Variants in TANC1 observed in about 807,000 individuals in gnomAD.
TANC1 encodes the protein tetratricopeptide repeat, ankyrin repeat and coiled-coil containing 1.
TANC1 carries 77 observed loss-of-function variants against 149.7 expected under a neutral mutation model. The ratio of observed to expected loss-of-function variants is 0.51; its 90% CI spans 0.43 to 0.62. The LOEUF (loss-of-function observed/expected upper bound fraction) is 0.62, where lower values mean the gene tolerates loss of function less well. TANC1 is among the 20% of genes least tolerant of loss of function. The pLI is 0.00. For missense variants in TANC1, 1,985 were observed against 2,321.8 expected (o/e 0.85, Z 2.98); for synonymous variants, 854 against 925.0 (o/e 0.92, Z 1.39).
At position 159,040,745 on chromosome 2, in the gene TANC1, T is replaced by G. The variant is rs546805330; in HGVS notation, c.-15-25151T>G. Among the ~76,000 whole-genome samples the G allele has an allele frequency of 1.2e-4, 19 of 152,326 alleles. 1 individual carries two copies. Among genetic ancestry groups the G allele is most frequent in the South Asian group, 1.0e-3 (5 of 4,826 alleles). On this transcript the variant is annotated intron_variant, in intron 2 of 26. Coordinates refer to ENST00000263635, the MANE Select transcript of TANC1 (RefSeq NM_033394.3). Reference sequence around the variant, plus strand: ...TGGAGAAGTTTGTTATTACTGACTTTCTGAAGCCTACTTCTGTCAACTAGT... The same window carrying G: ...TGGAGAAGTTTGTTATTACTGACTTGCTGAAGCCTACTTCTGTCAACTAGT...
intron 14 of TANC1, among the ~76,000 whole-genome samples, chr2:159,180,461 G>A (rs1053800019): frequency 2.6e-5 from 4 of 152,272 alleles, no homozygotes; most frequent in South Asian, 2.1e-4. Context: ...ATTAAGCTTC[G>A]CTTCATTTTG....
Position 159,228,082 on chromosome 2 carries a change from C to T in TANC1, c.4050+117C>T, listed in dbSNP as rs2060125399. On this transcript the variant is annotated intron_variant, in intron 25 of 26. Transcript: ENST00000263635. ...GGCCCTCCTGTCCAATTTGCTTGCA[C>T]ATTTACATGAACCTGGCATGTGGGA... 4 of 1,129,660 alleles carry T rather than the reference C, an allele frequency of 3.5e-6. No individual in the cohort carries two copies. The South Asian group carries it at 4.5e-5, about 13-fold the overall frequency. 70.0% of individuals were successfully genotyped at this position (1,129,660 alleles called of 1,614,324 possible).
intron 9 of TANC1, among the ~76,000 whole-genome samples, chr2:159,170,092 C>T (rs1014748819): frequency 2.0e-5 from 3 of 152,088 alleles, no homozygotes; most frequent in African/African-American, 7.2e-5. Flanking sequence ...CAGGCAGAGT[C>T]ATCACACCTG....
At chr2:159,079,288 C>T (rs1330166690) in intron 3 of TANC1, among the ~76,000 whole-genome samples, 1 of 151,118 alleles carries the variant, frequency 6.6e-6, no homozygotes, top group Non-Finnish European at 1.5e-5. Flanking sequence ...GCCTTAGCAT[C>T]CCTAGTAACT....
chr2:159,088,865 T>C (rs1164915342), intron 3 of TANC1, among the ~76,000 whole-genome samples: 1 of 152,178 alleles, frequency 6.6e-6, no homozygotes, highest in Non-Finnish European at 1.5e-5. Context: ...TATATTCTAT[T>C]GATGGTACCA....
At chr2:159,119,508 A>T (rs1215230677) in intron 4 of TANC1, among the ~76,000 whole-genome samples, 1 of 152,252 alleles carries the variant, frequency 6.6e-6, no homozygotes, top group African/African-American at 2.4e-5. Context: ...ACTGTAATGT[A>T]AAATCTTGAT....
intron 5 of TANC1, among the ~76,000 whole-genome samples, chr2:159,139,201 C>T (rs2051100484): frequency 6.6e-6 from 1 of 151,814 alleles, no homozygotes; most frequent in Non-Finnish European, 1.5e-5. Context: ...GACCTTGTCT[C>T]TTTAAAAAAG....
intron 14 of TANC1, 102 bp from the exon 15 acceptor site, chr2:159,185,689 G>T: frequency 1.3e-6 from 1 of 745,258 alleles, no homozygotes; most frequent in African/African-American, 1.7e-5. Context: ...TTTGTCACGG[G>T]CATAAATCAG....
intron 13 of TANC1, among the ~76,000 whole-genome samples, chr2:159,177,578 T>G (rs2056008926): frequency 6.6e-6 from 1 of 152,234 alleles, no homozygotes; most frequent in African/African-American, 2.4e-5. Flanking sequence ...TGTCCATCAG[T>G]AGATCATAGG....
chr2:159,097,972 T>A (rs75558164), intron 4 of TANC1, 138 bp downstream of exon 4: 4 of 530,608 alleles, frequency 7.5e-6, no homozygotes, highest in Non-Finnish European at 3.0e-6. Context: ...AAATAAATCT[T>A]TTTTTTTTTT....
At chr2:159,029,642 T>C (rs1271577258) in intron 2 of TANC1, among the ~76,000 whole-genome samples, 3 of 152,184 alleles carry the variant, frequency 2.0e-5, no homozygotes, top group Admixed American at 6.5e-5. Context: ...TAGTTCACTA[T>C]AATCTTGGAC....
chr2:159,021,756 T>C (rs920074471), intron 2 of TANC1, among the ~76,000 whole-genome samples: 17 of 152,350 alleles, frequency 1.1e-4, no homozygotes, highest in African/African-American at 3.6e-4. Context: ...TGCTGAACTT[T>C]GGTTAAATTT....
chr2:159,116,454 C>CAACAAAA (rs1553559680), intron 4 of TANC1, among the ~76,000 whole-genome samples: 6 of 140,408 alleles, frequency 4.3e-5, no homozygotes, highest in Non-Finnish European at 9.5e-5. Context: ...ACAACAACAA[C>CAACAAAA]AAAAAAAAAA....
At chr2:159,039,578 C>T (rs575820645) in intron 2 of TANC1, among the ~76,000 whole-genome samples, 7 of 152,298 alleles carry the variant, frequency 4.6e-5, no homozygotes, top group East Asian at 1.9e-4. Context: ...TTTCAAAAAA[C>T]GTCTTTATTT....
chr2:159,096,296 T>TA (rs1324925239), intron 3 of TANC1, among the ~76,000 whole-genome samples: 1 of 150,434 alleles, frequency 6.6e-6, no homozygotes, highest in Non-Finnish European at 1.5e-5. Flanking sequence ...TGGCTGTATT[T>TA]TTTTTTTTTT....
At position 159,175,093 on chromosome 2, in the gene TANC1, A is replaced by G. The variant is rs2055697881; in HGVS notation, c.1644A>G (p.Leu548=). The change falls in exon 12 of 27, where the codon CTA becomes CTG. Residue 548 remains leucine, a synonymous_variant. Coordinates refer to ENST00000263635, the MANE Select transcript of TANC1 (RefSeq NM_033394.3). ...YRDLLIKEPQ[L]QSMLSLRSCV... ...ACCTTCTGATAAAGGAGCCCCAACT[A>G]CAGAGCATGCTGAGCCTCCGATCCT... The G allele has an allele frequency of 1.2e-6, 2 of 1,614,196 alleles. No individual in the cohort carries two copies. The highest frequency in any genetic ancestry group is 1.7e-6 in the Non-Finnish European group (2 of 1,180,036).
chr2:159,178,483 G>C, intron 13 of TANC1, 73 bp from the exon 14 acceptor site: 2 of 1,487,260 alleles, frequency 1.3e-6, no homozygotes, highest in Non-Finnish European at 9.0e-7. Flanking sequence ...TAGTGAATCT[G>C]GTTTAAAATG....
At chr2:159,124,298 C>T (rs1047519951) in intron 4 of TANC1, among the ~76,000 whole-genome samples, 1 of 152,062 alleles carries the variant, frequency 6.6e-6, no homozygotes, top group Non-Finnish European at 1.5e-5. Context: ...GAGCTGAGAT[C>T]GCACCACTGC....
At chr2:159,021,510 G>A (rs1490436682) in intron 2 of TANC1, among the ~76,000 whole-genome samples, 1 of 152,082 alleles carries the variant, frequency 6.6e-6, no homozygotes, top group Non-Finnish European at 1.5e-5. Flanking sequence ...GGCAGGAGTA[G>A]CAGTAGAGCT....
Sources: gnomAD v4.1 joint callset for allele counts (sites outside exome capture counted in the v4.1 genomes callset) on GRCh38, gnomAD v4.1.1 for gene constraint, MANE v1.5 for transcripts, NCBI Gene and HGNC (gene_info 2026-07-23, HGNC 2026-07-21) for gene names.